Variants in DMD observed in about 807,000 individuals in gnomAD.
DMD encodes dystrophin.
DMD carries 63 observed loss-of-function variants against 330.1 expected under a neutral mutation model. That is an observed-to-expected ratio of 0.19 (90% CI 0.16 to 0.24). DMD has a LOEUF of 0.24. Among genes scored for constraint, DMD ranks in the 10% least tolerant of loss-of-function variants. DMD has a pLI of 1.00. For synonymous variants in DMD, 1,223 were observed against 959.8 expected (o/e 1.27, Z -5.07); for missense variants, 3,344 against 2,684.1 (o/e 1.25, Z -5.43).
intron 44 of DMD, among the ~76,000 whole-genome samples, chrX:32,011,624 A>C (rs936571425): frequency 9.0e-6 from 1 of 111,319 alleles, no homozygotes; most frequent in Non-Finnish European, 1.9e-5. Flanking sequence ...TGCTTGACGC[A>C]TCCTCCTCCT....
At chrX:32,806,402 A>G (rs1175592516) in intron 7 of DMD, among the ~76,000 whole-genome samples, 1 of 112,096 alleles carries the variant, frequency 8.9e-6, no homozygotes, top group African/African-American at 3.3e-5. Flanking sequence ...AGTCCTAACT[A>G]TCCTAAATAT....
At chrX:32,665,101 T>G (rs1569424696) in intron 9 of DMD, among the ~76,000 whole-genome samples, 4 of 112,425 alleles carry the variant, frequency 3.6e-5, no homozygotes, top group Non-Finnish European at 7.5e-5. Context: ...GTGGCTAGCA[T>G]ACTGTAAAAA....
At chrX:31,241,089 C>G (rs951136377) in intron 63 of DMD, among the ~76,000 whole-genome samples, 6 of 25,265 alleles carry the variant, frequency 2.4e-4, no homozygotes, top group Non-Finnish European at 4.5e-4. Flanking sequence ...AGGAACCTTT[C>G]TCTGCCCCTG....
chrX:32,601,134 A>G (rs1443466122), intron 12 of DMD, among the ~76,000 whole-genome samples: 1 of 111,170 alleles, frequency 9.0e-6, no homozygotes, highest in Non-Finnish European at 1.9e-5. Flanking sequence ...GGCCTGAATG[A>G]TATGATCTGG....
Position 32,250,324 on chromosome X carries a change from T to C in DMD, c.6291-33261A>G, listed in dbSNP as rs138170467. On this transcript the variant is annotated intron_variant, in intron 43 of 78. Coordinates refer to ENST00000357033, the MANE Select transcript of DMD (RefSeq NM_004006.3). ...CTTCAAAGTGATAATATTCACTTAATGTCGACTTTGGAAACACATAATAAA... is the reference window on the plus strand; with the variant it reads ...CTTCAAAGTGATAATATTCACTTAACGTCGACTTTGGAAACACATAATAAA... Among the ~76,000 whole-genome samples, 296 of 112,005 alleles carry C rather than the reference T, an allele frequency of 2.6e-3. 2 individuals carry two copies. The highest frequency in any genetic ancestry group is 5.3e-3 in the Admixed American group (56 of 10,500).
chrX:32,384,834 A>G (rs977879783), intron 33 of DMD, among the ~76,000 whole-genome samples: 3 of 111,254 alleles, frequency 2.7e-5, no homozygotes, highest in African/African-American at 9.7e-5. Flanking sequence ...ATAACTTTTT[A>G]TCCTCCAAGA....
At chrX:31,316,448 G>T (rs113194424) in intron 62 of DMD, among the ~76,000 whole-genome samples, 3,853 of 111,615 alleles carry the variant, frequency 0.035, 166 homozygotes, top group African/African-American at 0.12. Context: ...TGTTATTTCA[G>T]TCAAGGTGAT....
intron 1 of DMD, among the ~76,000 whole-genome samples, chrX:33,140,942 G>A (rs2047764671): frequency 8.9e-6 from 1 of 111,893 alleles, no homozygotes; most frequent in African/African-American, 3.2e-5. Flanking sequence ...ATATATACGT[G>A]TGTGTATATA....
Position 32,173,066 on chromosome X carries a change from G to GGTGTGTGTGTGTGT in DMD, c.6438+43836_6438+43849dup, listed in dbSNP as rs3040089. ...TTTTCAGCTTGTGATACCTGATTTT[G>GGTGTGTGTGTGTGT]GTGTGTGTGTGTGTGTGTGTGTGTG... On this transcript the variant is annotated intron_variant, in intron 44 of 78. Coordinates refer to ENST00000357033, the MANE Select transcript of DMD (RefSeq NM_004006.3). Among the ~76,000 whole-genome samples the GGTGTGTGTGTGTGT allele has an allele frequency of 6.4e-3, 577 of 89,523 alleles. 12 individuals carry two copies. The highest frequency in any genetic ancestry group is 0.022 in the African/African-American group (503 of 23,140). The allele number at this position is 89,523 out of a possible 115,157, so 77.7% of individuals were successfully genotyped here.
chrX:32,458,523 G>T lies in DMD; in HGVS notation c.3433-3691C>A, dbSNP rs1036409042. 4.5e-5 allele frequency among the ~76,000 whole-genome samples: 5 copies of T among 111,168 alleles called. 1 individual carries two copies. Among genetic ancestry groups the T allele is most frequent in the Non-Finnish European group, 9.5e-5 (5 of 52,770 alleles). On this transcript the variant is annotated intron_variant, in intron 25 of 78. Transcript: ENST00000357033. Reference sequence around the variant, plus strand: ...GGATATATATCCAGAAGCGGGATTGGTGAATCAAATGGGAATTCTATTTGT... The same window carrying T: ...GGATATATATCCAGAAGCGGGATTGTTGAATCAAATGGGAATTCTATTTGT...
intron 44 of DMD, among the ~76,000 whole-genome samples, chrX:32,111,084 T>G (rs2096587263): frequency 8.9e-6 from 1 of 112,315 alleles, no homozygotes; most frequent in Admixed American, 9.5e-5. Context: ...ATAGCTAGTA[T>G]GTACCCCAAA....
chrX:32,867,170 A>C (rs1211065493), intron 2 of DMD, among the ~76,000 whole-genome samples: 1 of 28,727 alleles, frequency 3.5e-5, no homozygotes, highest in African/African-American at 2.7e-4. Context: ...TGGAGAAGTT[A>C]AAAAAAAAAA....
intron 5 of DMD, 63 bp from the exon 6 acceptor site, chrX:32,816,703 A>C: frequency 9.3e-7 from 1 of 1,069,803 alleles, no homozygotes; most frequent in Non-Finnish European, 1.3e-6. Flanking sequence ...ATGCAAACTT[A>C]AATATGAATG....
At chrX:31,713,049 C>T (rs1471543882) in intron 52 of DMD, among the ~76,000 whole-genome samples, 2 of 111,187 alleles carry the variant, frequency 1.8e-5, no homozygotes, top group Non-Finnish European at 3.8e-5. Context: ...CTACCATTCA[C>T]CAGCTGCTAT....
intron 42 of DMD, among the ~76,000 whole-genome samples, chrX:32,301,567 A>G (rs2097524018): frequency 9.0e-6 from 1 of 111,245 alleles, no homozygotes; most frequent in South Asian, 3.7e-4. Flanking sequence ...CATAAGGTTC[A>G]ATGGAATAGC....
intron 2 of DMD, among the ~76,000 whole-genome samples, chrX:32,964,643 G>A (rs141800657): frequency 0.029 from 3,227 of 111,248 alleles, 56 homozygotes; most frequent in South Asian, 0.092. Context: ...GGGAGGCAGA[G>A]GTTGCAGTGA....
intron 59 of DMD, among the ~76,000 whole-genome samples, chrX:31,468,193 C>A (rs1313840902): frequency 9.0e-6 from 1 of 111,728 alleles, no homozygotes; most frequent in African/African-American, 3.3e-5. Flanking sequence ...GTAGTTATTT[C>A]TTCTCTTCTG....
intron 55 of DMD, among the ~76,000 whole-genome samples, chrX:31,598,338 G>A (rs1174850983): frequency 9.0e-6 from 1 of 110,826 alleles, no homozygotes; most frequent in African/African-American, 3.3e-5. Flanking sequence ...TTCCCAGACT[G>A]GTCTCGAACT....
At chrX:33,168,508 G>T (rs771414684) in intron 1 of DMD, among the ~76,000 whole-genome samples, 100 of 109,059 alleles carry the variant, frequency 9.2e-4, no homozygotes, top group Non-Finnish European at 1.7e-3. Flanking sequence ...AGATAATTTG[G>T]GTCTTAAGGT....
Sources: gnomAD v4.1 joint callset for allele counts (sites outside exome capture counted in the v4.1 genomes callset) on GRCh38, gnomAD v4.1.1 for gene constraint, MANE v1.5 for transcripts, NCBI Gene and HGNC (gene_info 2026-07-23, HGNC 2026-07-21) for gene names.